The following SPMIP2 variants were observed in gnomAD, a reference collection of about 807,000 sequenced individuals.
The protein encoded by SPMIP2 is protein SPMIP2.
At chr4:159,018,529 A>G in the SPMIP2 span, among the ~76,000 whole-genome samples, 1 of 152,200 alleles carries the variant, frequency 6.6e-6, no homozygotes, top group Non-Finnish European at 1.5e-5. Flanking sequence ...GTACTGATTA[A>G]TGATATAAAA....
the SPMIP2 span, among the ~76,000 whole-genome samples, chr4:159,003,498 C>T: frequency 6.6e-6 from 1 of 152,146 alleles, no homozygotes; most frequent in African/African-American, 2.4e-5. Flanking sequence ...TACCTTCTAA[C>T]CACTTCTGTT....
At chr4:158,914,296 G>A in the SPMIP2 span, among the ~76,000 whole-genome samples, 23 of 152,240 alleles carry the variant, frequency 1.5e-4, no homozygotes, top group South Asian at 1.0e-3. Context: ...GTATTCCTAA[G>A]GTCAGGATCT....
the SPMIP2 span, among the ~76,000 whole-genome samples, chr4:158,999,044 G>T: frequency 5.3e-5 from 8 of 151,902 alleles, no homozygotes; most frequent in Non-Finnish European, 1.2e-4. Flanking sequence ...CACACCTGTG[G>T]TCCCAGCTAC....
chr4:159,034,147 T>C, the SPMIP2 span, among the ~76,000 whole-genome samples: 1 of 151,976 alleles, frequency 6.6e-6, no homozygotes, highest in Non-Finnish European at 1.5e-5. Context: ...AAAAAATAAA[T>C]AATTTGGAAA....
chr4:159,032,473 A>G, the SPMIP2 span, among the ~76,000 whole-genome samples: 1 of 152,256 alleles, frequency 6.6e-6, no homozygotes, highest in East Asian at 1.9e-4. Context: ...ATTATATGTC[A>G]GTATAATGAA....
the SPMIP2 span, chr4:159,026,385 T>G: frequency 1.2e-6 from 1 of 848,102 alleles, no homozygotes; most frequent in East Asian, 2.9e-5. Context: ...TCTACAACTT[T>G]ACAGATGGAT....
chr4:158,992,598 A>C, the SPMIP2 span, among the ~76,000 whole-genome samples: 1 of 152,232 alleles, frequency 6.6e-6, no homozygotes, highest in Non-Finnish European at 1.5e-5. Flanking sequence ...ACCCGAGACT[A>C]AGTAACTTGT....
the SPMIP2 span, among the ~76,000 whole-genome samples, chr4:158,961,180 CAA>C: frequency 6.6e-6 from 1 of 152,014 alleles, no homozygotes; most frequent in African/African-American, 2.4e-5. Flanking sequence ...CATAACATCT[CAA>C]AAAGTGGCAA....
chr4:158,961,432 C>G, the SPMIP2 span, among the ~76,000 whole-genome samples: 1 of 151,988 alleles, frequency 6.6e-6, no homozygotes, highest in East Asian at 1.9e-4. Flanking sequence ...AAGGCAGGCA[C>G]AAAATAAACA....
the SPMIP2 span, among the ~76,000 whole-genome samples, chr4:159,059,164 C>A: frequency 6.6e-6 from 1 of 152,090 alleles, no homozygotes; most frequent in African/African-American, 2.4e-5. Flanking sequence ...GTGGTTAGAT[C>A]CATAGGAGCT....
chr4:158,913,556 A>G, the SPMIP2 span, among the ~76,000 whole-genome samples: 2 of 152,336 alleles, frequency 1.3e-5, no homozygotes, highest in South Asian at 4.1e-4. Flanking sequence ...TTTAGATTAG[A>G]TAATAATACT....
At chr4:158,969,002 C>T in the SPMIP2 span, among the ~76,000 whole-genome samples, 4 of 152,014 alleles carry the variant, frequency 2.6e-5, no homozygotes. Flanking sequence ...TGAGTTCCCA[C>T]GATTCTCCTT....
the SPMIP2 span, among the ~76,000 whole-genome samples, chr4:159,036,784 A>G: frequency 1.3e-5 from 2 of 152,208 alleles, no homozygotes; most frequent in East Asian, 1.9e-4. Context: ...GACCTGCATT[A>G]TGCTCTTCTT....
the SPMIP2 span, chr4:158,904,758 T>G: frequency 5.7e-6 from 3 of 528,394 alleles, no homozygotes; most frequent in Admixed American, 6.3e-5. Flanking sequence ...TCGTGAACAC[T>G]TTAGGCCATT....
At chr4:159,042,621 C>T in the SPMIP2 span, among the ~76,000 whole-genome samples, 4 of 152,138 alleles carry the variant, frequency 2.6e-5, no homozygotes, top group Non-Finnish European at 5.9e-5. Flanking sequence ...ATTTAGCAAG[C>T]ACACTACTGA....
the SPMIP2 span, among the ~76,000 whole-genome samples, chr4:158,928,566 T>A: frequency 6.6e-6 from 1 of 152,020 alleles, no homozygotes; most frequent in African/African-American, 2.4e-5. Context: ...CAGCGCCCTG[T>A]CAAAACAGAC....
At chr4:159,012,787 G>A in the SPMIP2 span, among the ~76,000 whole-genome samples, 2 of 151,588 alleles carry the variant, frequency 1.3e-5, no homozygotes, top group Non-Finnish European at 2.9e-5. Context: ...TCCTCAGGGT[G>A]GTCTCGAACT....
the SPMIP2 span, among the ~76,000 whole-genome samples, chr4:158,917,667 G>A: frequency 6.7e-6 from 1 of 150,070 alleles, no homozygotes; most frequent in South Asian, 2.1e-4. Flanking sequence ...TTTCCCTGAA[G>A]ACTTTTTGTT....
the SPMIP2 span, among the ~76,000 whole-genome samples, chr4:159,075,357 T>C: frequency 2.6e-4 from 40 of 152,354 alleles, no homozygotes; most frequent in Middle Eastern, 3.4e-3. Flanking sequence ...TATTCAAAGA[T>C]TAACTTGTCA....
Sources: allele counts gnomAD v4.1 joint callset (sites outside exome capture counted in the v4.1 genomes callset), GRCh38; gene constraint gnomAD v4.1.1; transcripts MANE v1.5; gene names NCBI Gene and HGNC (gene_info 2026-07-23, HGNC 2026-07-21).